Variants in ZNFX1 observed in about 807,000 individuals in gnomAD.
ZNFX1 encodes NFX1-type zinc finger-containing protein 1.
Under a neutral mutation model 179.8 loss-of-function variants are expected in ZNFX1, and 78 were observed. The ratio of observed to expected loss-of-function variants is 0.43; its 90% confidence interval spans 0.36 to 0.52. ZNFX1 has a LOEUF of 0.52. ZNFX1 is among the 20% of genes least tolerant of loss of function. The probability of loss-of-function intolerance (pLI) is 0.00; values close to 1 mark genes in which losing one functional copy is unlikely to be tolerated. For synonymous variants in ZNFX1, 848 were observed against 868.5 expected, an observed-to-expected ratio of 0.98 and a Z score of 0.42; for missense variants, 1,927 against 2,386.6, an observed-to-expected ratio of 0.81 and a Z score of 4.01.
intron 3 of ZNFX1, among the ~76,000 whole-genome samples, chr20:49,269,412 C>T (rs1454896085): frequency 4.6e-5 from 7 of 152,022 alleles, no homozygotes; most frequent in Non-Finnish European, 7.4e-5. Flanking sequence ...CTGAGTGCAG[C>T]GGCTCACACC....
chr20:49,253,209 A>C (rs1033645162), intron 11 of ZNFX1, among the ~76,000 whole-genome samples: 5 of 152,202 alleles, frequency 3.3e-5, no homozygotes, highest in Non-Finnish European at 7.4e-5. Context: ...CTGAAACCTG[A>C]TCACATAAGC....
rs768367661 is a variant in ZNFX1 at position 49,275,822 on chromosome 20, A to C, written c.18T>G (p.Pro6=). The part of the protein sequence containing the change: MEERR[P]HLDARPRNSH... ...AATTCCTGGGCCTGGCATCCAGATG[A>C]GGTCTTCTCTCCTCCATGTCTGAGT... Residue 6 remains proline, a synonymous_variant, in exon 2 of 14, where the codon CCT becomes CCG. Transcript: ENST00000396105. The C allele has an allele frequency of 2.5e-5, 41 of 1,613,996 alleles. No individual in the cohort carries two copies. The highest frequency in any genetic ancestry group is 3.2e-5 in the Non-Finnish European group (38 of 1,180,000).
At chr20:49,252,612 C>T in intron 12 of ZNFX1, 108 bp downstream of exon 12, 1 of 688,620 alleles carries the variant, frequency 1.5e-6, no homozygotes, top group Non-Finnish European at 2.5e-6. Context: ...AGAGTCATTT[C>T]AGTATTAAAT....
intron 5 of ZNFX1, among the ~76,000 whole-genome samples, 199 bp from the exon 6 acceptor site, chr20:49,263,682 G>A (rs1296192504): frequency 6.6e-6 from 1 of 152,230 alleles, no homozygotes; most frequent in Non-Finnish European, 1.5e-5. Context: ...GAGTGTGGTG[G>A]CTCATGCCTG....
intron 6 of ZNFX1, among the ~76,000 whole-genome samples, chr20:49,261,788 G>A (rs182071592): frequency 5.9e-5 from 9 of 151,970 alleles, no homozygotes; most frequent in Admixed American, 2.6e-4. Context: ...TGGGACTACA[G>A]GCGCCCGCCA....
At position 49,269,942 on chromosome 20, in the gene ZNFX1, CT is replaced by C; in HGVS notation, c.1869del (p.Gly624AlafsTer7). The part of the protein sequence containing the change: ...ELAIIQGPPG[T>X]GKTYVGLKIV... ...TGTACTCTAAAAAATTTTGTCTTAC[CT>C]GTTCCAGGAGGTCCTTGAATAATAG... On this transcript the variant is annotated frameshift_variant and splice_region_variant, in exon 3 of 14. Coordinates refer to ENST00000396105, the MANE Select transcript of ZNFX1 (RefSeq NM_021035.3). LOFTEE classifies it high-confidence loss of function. The C allele has an allele frequency of 6.3e-7, 1 of 1,588,330 alleles. No homozygotes were observed.
rs1981388117 is a variant in ZNFX1 at position 49,271,327 on chromosome 20, A to G, written c.485T>C (p.Ile162Thr). 2 of 1,614,070 alleles carry G rather than the reference A, an allele frequency of 1.2e-6. No homozygotes were observed. Among genetic ancestry groups the G allele is most frequent in the African/African-American group, 2.7e-5 (2 of 74,944 alleles). Residue 162 changes from isoleucine (I) to threonine (T), a missense_variant, in exon 3 of 14, where the codon ATC (isoleucine) becomes ACC (threonine). By Grantham distance (89) the Ile-to-Thr change is moderately conservative. Transcript: ENST00000396105. ...LLQKDPSEVVITLATSLGLKE... is the reference protein window; with the variant it reads ...LLQKDPSEVVTTLATSLGLKE... ...CAGCCCTAAACTTGTGGCAAGTGTG[A>G]TGACCACCTCAGAAGGGTCTTTCTG...
intron 8 of ZNFX1, among the ~76,000 whole-genome samples, chr20:49,256,364 G>A (rs896770082): frequency 2.0e-5 from 3 of 152,126 alleles, no homozygotes; most frequent in Non-Finnish European, 4.4e-5. Context: ...TTCCTAAAAT[G>A]CATGCCATGA....
chr20:49,251,610 G>A lies in ZNFX1; in HGVS notation c.3229C>T (p.Pro1077Ser). 3.7e-6 allele frequency: 6 copies of A among 1,610,996 alleles called. No homozygotes were observed. Among genetic ancestry groups the A allele is most frequent in the Non-Finnish European group, 5.1e-6 (6 of 1,178,600 alleles). The change falls in exon 13 of 14, where the codon CCT becomes TCT. Residue 1077 changes from proline to serine, a missense_variant. By Grantham distance (74) the Pro-to-Ser change is moderately conservative. Transcript: ENST00000396105. ...VRLNYQHRMC[P>S]EIARLLTPHI... ...GGGGTCAAAAGGCGGGCAATTTCAG[G>A]GCACATACGGTGCTGAAAAAACACA...
At chr20:49,277,693 G>A (rs2146747264) in intron 1 of ZNFX1, among the ~76,000 whole-genome samples, 1 of 151,864 alleles carries the variant, frequency 6.6e-6, no homozygotes, top group East Asian at 1.9e-4. Flanking sequence ...GATGGGCCAG[G>A]GGCTGAGTGG....
chr20:49,254,688 C>A, intron 9 of ZNFX1, 39 bp from the exon 10 acceptor site: 1 of 1,604,520 alleles, frequency 6.2e-7, no homozygotes, highest in South Asian at 1.1e-5. Flanking sequence ...AAGCCACATG[C>A]TCTTTGAGAA....
intron 8 of ZNFX1, among the ~76,000 whole-genome samples, 200 bp from the exon 9 acceptor site, chr20:49,256,147 C>T (rs1377181093): frequency 6.6e-6 from 1 of 152,172 alleles, no homozygotes; most frequent in African/African-American, 2.4e-5. Context: ...CTTCAAAGCC[C>T]TACTCTACCT....
Position 49,249,212 on chromosome 20 carries a change from T to A in ZNFX1, c.3812A>T (p.His1271Leu). The change falls in exon 14 of 14, where the codon CAC (histidine) becomes CTC (leucine). Residue 1271 changes from histidine to leucine, a missense_variant. Coordinates refer to ENST00000396105, the MANE Select transcript of ZNFX1 (RefSeq NM_021035.3). ...RLCCQNHPET[H>L]TLVSKASDFQ... ...GTCAGAAGCTTTGGATACTAAGGTG[T>A]GGGTTTCAGGGTGGTTCTGGCAGCA... 6.2e-7 allele frequency: 1 copy of A among 1,614,124 alleles called. No individual in the cohort carries two copies. The highest frequency in any genetic ancestry group is 8.5e-7 in the Non-Finnish European group (1 of 1,180,028).
In ZNFX1 at chr20:49,249,034, C is replaced by G; in HGVS notation, c.3990G>C (p.Gly1330=). 1 of 1,614,246 alleles carries G rather than the reference C, an allele frequency of 6.2e-7. No individual in the cohort carries two copies. The highest frequency in any genetic ancestry group is 8.5e-7 in the Non-Finnish European group (1 of 1,180,042). The part of the protein sequence containing the change: ...KPCQKVICQE[G]HRCPLVCFQE... ...GGAAGCAAACAAGGGGACACCGGTG[C>G]CCTTCCTGACAGATGACCTTCTGGC... The change falls in exon 14 of 14, where the codon GGG becomes GGC. Residue 1330 remains glycine, a synonymous_variant. Transcript: ENST00000396105.
At position 49,264,746 on chromosome 20, in the gene ZNFX1, G is replaced by A. The variant is rs1296708183; in HGVS notation, c.2121C>T (p.Leu707=). ...TGTAGGCCCTTCGGAGGTGCATGGG[G>A]AGGTTGCGGCGGAATTCCCGCTTGT... ...LRNKREFRRN[L]PMHLRRAYMS... The change falls in exon 5 of 14, where the codon CTC becomes CTT. Residue 707 remains leucine (L), a synonymous_variant. Transcript: ENST00000396105. The A allele has an allele frequency of 1.2e-6, 2 of 1,614,038 alleles. No homozygotes were observed. The highest frequency in any genetic ancestry group is 4.5e-5 in the East Asian group (2 of 44,904).
At chr20:49,261,619 G>A (rs942142866) in intron 6 of ZNFX1, among the ~76,000 whole-genome samples, 3 of 151,728 alleles carry the variant, frequency 2.0e-5, no homozygotes, top group African/African-American at 7.3e-5. Context: ...TAATATCTAG[G>A]TGATGTACAA....
chr20:49,255,973 T>A lies in ZNFX1; in HGVS notation c.2665-26A>T, dbSNP rs765797059. 13 of 1,612,320 alleles carry A rather than the reference T, an allele frequency of 8.1e-6. No homozygotes were observed. In the African/African-American group the frequency reaches 1.6e-4, roughly 20 times the overall value. On this transcript the variant is annotated intron_variant, in intron 8 of 13. Coordinates refer to ENST00000396105, the MANE Select transcript of ZNFX1 (RefSeq NM_021035.3). ...CTGCAGACATCAATACCAGGCAGGG[T>A]ACTGTCTGAGCAGAGGCAGGCTTGG...
At chr20:49,269,442 G>A (rs1029118317) in intron 3 of ZNFX1, among the ~76,000 whole-genome samples, 1 of 152,198 alleles carries the variant, frequency 6.6e-6, no homozygotes, top group Non-Finnish European at 1.5e-5. Flanking sequence ...AGCACTTTGG[G>A]AGGCCAAGGC....
chr20:49,252,759 T>C lies in ZNFX1; in HGVS notation c.3177A>G (p.Leu1059=). ...GGACAAAGGGAATGTTTACTTTCAC[T>C]AGCCGTTCAAAAAGGGACACCTCAA... ...FNLEVSLFER[L]VKVNIPFVRL... Residue 1059 remains leucine, a synonymous_variant, in exon 12 of 14, where the codon CTA becomes CTG. Transcript: ENST00000396105. 6.2e-7 allele frequency: 1 copy of C among 1,614,098 alleles called. No individual in the cohort carries two copies. The highest frequency in any genetic ancestry group is 8.5e-7 in the Non-Finnish European group (1 of 1,180,020).
Sources: allele counts gnomAD v4.1 joint callset (sites outside exome capture counted in the v4.1 genomes callset), GRCh38; gene constraint gnomAD v4.1.1; transcripts MANE v1.5; gene names NCBI Gene and HGNC (gene_info 2026-07-23, HGNC 2026-07-21).